The following OPRM1 variants were observed in gnomAD, a reference collection of about 807,000 sequenced individuals.
OPRM1 encodes mu-type opioid receptor.
OPRM1 carries 27 observed loss-of-function variants against 31.8 expected under a neutral mutation model. The ratio of observed to expected loss-of-function variants is 0.85; its 90% CI spans 0.63 to 1.17. The LOEUF is 1.17. Among genes scored for constraint, OPRM1 ranks in the 50% most tolerant of loss-of-function variants. The pLI, the probability that OPRM1 is intolerant of heterozygous loss-of-function variation, is 0.00. For missense variants in OPRM1, 536 were observed against 511.1 expected (o/e 1.05, Z -0.47); for synonymous variants, 196 against 189.9 (o/e 1.03, Z -0.26).
rs376334180 is a variant in OPRM1, at chr6:154,078,302, ATAGG to A, written c.291-11521_291-11518del. On this transcript the variant is annotated intron_variant, in intron 1 of 3. Transcript: ENST00000330432. ...ATTTAATTTCCTTACCAGTTACCTA[ATAGG>A]TACTTAGCAAAAATAAGAAATAAAA... Among the ~76,000 whole-genome samples, 104 of 152,324 alleles carry A rather than the reference ATAGG, an allele frequency of 6.8e-4. No individual in the cohort carries two copies. The South Asian group carries it at 7.7e-3, about 11-fold the overall frequency.
At chr6:154,240,161 A>G (rs895427675) in intron 3 of OPRM1, among the ~76,000 whole-genome samples, 1 of 152,252 alleles carries the variant, frequency 6.6e-6, no homozygotes, top group African/African-American at 2.4e-5. Flanking sequence ...ATAATGCTCA[A>G]TTTAATTAGT....
At chr6:154,135,702 C>T (rs1408524849), downstream of OPRM1, among the ~76,000 whole-genome samples, 1 of 152,134 alleles carries the variant, frequency 6.6e-6, no homozygotes, top group Non-Finnish European at 1.5e-5. Flanking sequence ...GTACCTAGGC[C>T]TCATATCCAG....
intron 3 of OPRM1, among the ~76,000 whole-genome samples, chr6:154,235,901 A>G (rs945000231): frequency 2.6e-5 from 4 of 152,206 alleles, no homozygotes; most frequent in African/African-American, 9.7e-5. Flanking sequence ...TTAAGTGACA[A>G]GCACTGTTGA....
At chr6:154,201,424 A>C (rs1486554409) in intron 3 of OPRM1, among the ~76,000 whole-genome samples, 1 of 152,128 alleles carries the variant, frequency 6.6e-6, no homozygotes, top group Admixed American at 6.5e-5. Flanking sequence ...AGATTCAGCA[A>C]CTCTGTCTTG....
intron 1 of OPRM1, among the ~76,000 whole-genome samples, chr6:154,012,341 T>G (rs1777774527): frequency 6.6e-6 from 1 of 152,166 alleles, no homozygotes; most frequent in Non-Finnish European, 1.5e-5. Flanking sequence ...AAATGGATCA[T>G]CAACTTTTGT....
At chr6:154,067,555 G>T (rs927302415) in intron 1 of OPRM1, among the ~76,000 whole-genome samples, 2 of 151,628 alleles carry the variant, frequency 1.3e-5, no homozygotes, top group Non-Finnish European at 2.9e-5. Flanking sequence ...AATTTATTAA[G>T]ATTTAATTTG....
At chr6:154,059,203 C>A (rs557321739) in intron 1 of OPRM1, among the ~76,000 whole-genome samples, 5 of 152,272 alleles carry the variant, frequency 3.3e-5, no homozygotes, top group Non-Finnish European at 1.5e-5. Flanking sequence ...GCAAGTCAAA[C>A]CCTGCAGATT....
At chr6:154,239,757 G>A (rs1780429187) in intron 3 of OPRM1, among the ~76,000 whole-genome samples, 1 of 152,230 alleles carries the variant, frequency 6.6e-6, no homozygotes, top group Admixed American at 6.5e-5. Flanking sequence ...AGGCTGGAGT[G>A]CAGTGATGTG....
At chr6:154,233,365 T>C (rs545389075) in intron 3 of OPRM1, among the ~76,000 whole-genome samples, 2 of 152,340 alleles carry the variant, frequency 1.3e-5, no homozygotes, top group East Asian at 3.9e-4. Flanking sequence ...ATTTGGAGAA[T>C]AATAATACTA....
chr6:154,022,420 C>T (rs1778431358), intron 1 of OPRM1, among the ~76,000 whole-genome samples: 1 of 122,124 alleles, frequency 8.2e-6, no homozygotes, highest in Admixed American at 7.2e-5. Flanking sequence ...GGGGCCTGGC[C>T]TGCTCCCCAC....
intron 3 of OPRM1, among the ~76,000 whole-genome samples, chr6:154,177,999 TG>T (rs1800494769): frequency 6.6e-6 from 1 of 152,106 alleles, no homozygotes; most frequent in Non-Finnish European, 1.5e-5. Context: ...GGGACATGGA[TG>T]AAGCTGGAAA....
In OPRM1 at chr6:154,152,347, G is replaced by GAAAGAAAAGAAAGAAA; in HGVS notation, c.1164+60875_1164+60876insAAAGAAAAGAAAGAAA. ...AGAAAGAAAGAAAGAAAGAAAGAAA[G>GAAAGAAAAGAAAGAAA]GAAAGAAAGAAAGAAAGAAAGAAAG... On this transcript the variant is annotated intron_variant, in intron 3 of 3. Transcript: ENST00000337049. Among the ~76,000 whole-genome samples the GAAAGAAAAGAAAGAAA allele has an allele frequency of 8.4e-4, 55 of 65,200 alleles. 1 individual carries two copies. The highest frequency in any genetic ancestry group is 1.6e-3 in the Admixed American group (8 of 5,102). The allele number at this position is 65,200 out of a possible 152,430, so 42.8% of individuals were successfully genotyped here. A position where few individuals can be genotyped will look rare whatever the true frequency, so the allele number is the denominator to read the frequency against.
chr6:154,149,916 GA>G (rs1445865364), intron 3 of OPRM1, among the ~76,000 whole-genome samples: 1 of 152,090 alleles, frequency 6.6e-6, no homozygotes, highest in Non-Finnish European at 1.5e-5. Context: ...GTCTCCTACT[GA>G]CAGCTCCCAC....
In OPRM1 at chr6:154,045,514, C is replaced by T. The variant is rs1780945218; in HGVS notation, c.290+5680C>T. Among the ~76,000 whole-genome samples, 5 of 152,180 alleles carry T rather than the reference C, an allele frequency of 3.3e-5. No homozygotes were observed. In the South Asian group the frequency reaches 1.0e-3, roughly 32 times the overall value. On this transcript the variant is annotated intron_variant, in intron 1 of 3. Coordinates refer to ENST00000330432, the MANE Select transcript of OPRM1 (RefSeq NM_000914.5). ...GCTCACCTTGCACCCCCATGCCACC[C>T]ACCAGTGCTGTCCCCAAGGGACCAC...
chr6:154,242,896 G>C (rs907684957), intron 3 of OPRM1, among the ~76,000 whole-genome samples: 3 of 151,814 alleles, frequency 2.0e-5, no homozygotes, highest in Non-Finnish European at 4.4e-5. Flanking sequence ...TCAAAGAAAA[G>C]AAAAGAAAAG....
chr6:154,056,729 G>A (rs1265337834), intron 1 of OPRM1, among the ~76,000 whole-genome samples: 1 of 152,104 alleles, frequency 6.6e-6, no homozygotes, highest in East Asian at 1.9e-4. Flanking sequence ...CAGTGCCAGT[G>A]AGAGGTTGAG....
At position 154,128,306 on chromosome 6, in the gene OPRM1, C is replaced by T. The variant is rs373076607; in HGVS notation, c.*9585C>T. Among the ~76,000 whole-genome samples, 32 of 152,314 alleles carry T rather than the reference C, an allele frequency of 2.1e-4. No individual in the cohort carries two copies. The South Asian group carries it at 6.2e-3, about 30-fold the overall frequency. On this transcript the variant is annotated 3_prime_UTR_variant, in exon 4 of 4. Transcript: ENST00000330432. ...ATGAAGGTGGAGTTAATTCTGACTA[C>T]GGGATTCCTTTTTCACTTTTATAAT...
chr6:154,095,991 A>G lies in OPRM1; in HGVS notation c.1164+4519A>G, dbSNP rs184575471. 3.2e-3 allele frequency among the ~76,000 whole-genome samples: 491 copies of G among 152,218 alleles called. 2 individuals carry two copies. The highest frequency in any genetic ancestry group is 0.012 in the African/African-American group (478 of 41,536). On this transcript the variant is annotated intron_variant, in intron 3 of 3. Coordinates refer to ENST00000330432, the MANE Select transcript of OPRM1 (RefSeq NM_000914.5). ...TGGCCACTGCTAACCTGCCTTGCCC[A>G]CTTGGTTTCCACCCGCATCATATTA...
chr6:154,038,834 C>T (rs565571839), upstream of OPRM1, among the ~76,000 whole-genome samples: 2 of 152,160 alleles, frequency 1.3e-5, no homozygotes, highest in African/African-American at 4.8e-5. Flanking sequence ...TAAAGGATCG[C>T]TGTTGTTCCC....
Sources: gnomAD v4.1 joint callset for allele counts (sites outside exome capture counted in the v4.1 genomes callset) on GRCh38, gnomAD v4.1.1 for gene constraint, MANE v1.5 for transcripts, NCBI Gene and HGNC (gene_info 2026-07-23, HGNC 2026-07-21) for gene names.